The following KLF12 variants were observed in gnomAD, a reference collection of about 807,000 sequenced individuals.
The protein encoded by KLF12 is Krueppel-like factor 12.
A neutral mutation model predicts 37.8 loss-of-function variants in KLF12; 9 were observed. That is an observed-to-expected ratio of 0.24 (90% CI 0.14 to 0.42). The LOEUF is 0.42. Ranked by LOEUF, KLF12 falls within the 10% of genes least tolerant of loss-of-function variation. The probability of loss-of-function intolerance (pLI) is 1.00; values close to 1 mark genes in which losing one functional copy is unlikely to be tolerated. For missense variants in KLF12, 411 were observed against 516.0 expected, an observed-to-expected ratio of 0.80 and a Z score of 1.97; for synonymous variants, 208 against 202.1, an observed-to-expected ratio of 1.03 and a Z score of -0.25.
chr13:73,795,322 C>A (rs776613072), intron 5 of KLF12, among the ~76,000 whole-genome samples: 2 of 152,134 alleles, frequency 1.3e-5, no homozygotes, highest in South Asian at 4.1e-4. Flanking sequence ...TCTTTGAATA[C>A]AAACACCCTA....
chr13:73,774,227 ATAAG>A (rs376998114), intron 5 of KLF12, among the ~76,000 whole-genome samples: 4 of 152,080 alleles, frequency 2.6e-5, no homozygotes, highest in African/African-American at 4.8e-5. Flanking sequence ...ATTTGGAAAA[ATAAG>A]TAAGTCAATA....
chr13:74,161,695 T>C, the KLF12 span, among the ~76,000 whole-genome samples: 1 of 152,226 alleles, frequency 6.6e-6, no homozygotes, highest in Non-Finnish European at 1.5e-5. Flanking sequence ...ATATAACCCA[T>C]AGTCCTCAAT....
chr13:73,878,904 G>A (rs1046039441), intron 3 of KLF12, among the ~76,000 whole-genome samples: 5 of 152,106 alleles, frequency 3.3e-5, no homozygotes, highest in African/African-American at 1.2e-4. Flanking sequence ...CAGAAATGGG[G>A]GTGAGGAGCA....
Position 73,846,125 on chromosome 13 carries a change from G to A in KLF12, c.372C>T (p.Ala124=), listed in dbSNP as rs775859586. ...CTGATGTGATAACAGTTGGGGATGAGGCTAGACGACTAGAAGACGATGAAG... is the reference window on the plus strand; with the variant it reads ...CTGATGTGATAACAGTTGGGGATGAAGCTAGACGACTAGAAGACGATGAAG... The change falls in exon 4 of 8, where the codon GCC becomes GCT. Residue 124 remains alanine, a synonymous_variant. Coordinates refer to ENST00000377669, the MANE Select transcript of KLF12 (RefSeq NM_007249.5). 1.9e-5 allele frequency: 30 copies of A among 1,613,978 alleles called. No homozygotes were observed. Among genetic ancestry groups the A allele is most frequent in the Non-Finnish European group, 4.2e-6 (5 of 1,180,010 alleles).
chr13:74,262,172 T>C, the KLF12 span, among the ~76,000 whole-genome samples: 1 of 140,792 alleles, frequency 7.1e-6, no homozygotes, highest in Non-Finnish European at 1.5e-5. Flanking sequence ...TAATATTGAC[T>C]TGAGGTATTT....
At chr13:73,916,726 T>C (rs1228063462) in intron 3 of KLF12, among the ~76,000 whole-genome samples, 1 of 152,150 alleles carries the variant, frequency 6.6e-6, no homozygotes, top group Non-Finnish European at 1.5e-5. Flanking sequence ...CATTTAGGTT[T>C]GATGTATGGA....
At chr13:74,191,736 A>G in the KLF12 span, among the ~76,000 whole-genome samples, 1 of 152,210 alleles carries the variant, frequency 6.6e-6, no homozygotes, top group Non-Finnish European at 1.5e-5. Context: ...CACCCTTGAA[A>G]ACAAAATTTC....
intron 6 of KLF12, among the ~76,000 whole-genome samples, chr13:73,764,507 G>T (rs2138072213): frequency 6.6e-6 from 1 of 150,490 alleles, no homozygotes; most frequent in Non-Finnish European, 1.5e-5. Context: ...GATATTTAAG[G>T]CTATGGCAAG....
At chr13:73,773,517 C>G (rs1255582086) in intron 5 of KLF12, among the ~76,000 whole-genome samples, 1 of 152,166 alleles carries the variant, frequency 6.6e-6, no homozygotes, top group Non-Finnish European at 1.5e-5. Flanking sequence ...CAGGAGTTAC[C>G]CTGGTCTGAA....
At chr13:74,103,356 T>C (rs1876470490) in intron 1 of KLF12, among the ~76,000 whole-genome samples, 1 of 152,176 alleles carries the variant, frequency 6.6e-6, no homozygotes, top group South Asian at 2.1e-4. Flanking sequence ...ATTAAAACAA[T>C]GATTTGATCT....
chr13:73,741,780 T>G (rs1427117743), intron 6 of KLF12, among the ~76,000 whole-genome samples: 1 of 152,200 alleles, frequency 6.6e-6, no homozygotes, highest in Non-Finnish European at 1.5e-5. Context: ...CTATCTACAG[T>G]TAAGTTTAAA....
At chr13:74,007,584 G>T (rs191356903) in intron 1 of KLF12, among the ~76,000 whole-genome samples, 44 of 152,194 alleles carry the variant, frequency 2.9e-4, no homozygotes, top group South Asian at 6.2e-4. Context: ...CAAGACAAGG[G>T]TATTTTTCAT....
intron 2 of KLF12, among the ~76,000 whole-genome samples, chr13:73,975,701 G>A (rs1006510941): frequency 2.6e-5 from 4 of 152,046 alleles, no homozygotes; most frequent in African/African-American, 9.7e-5. Context: ...ATATTTCTCT[G>A]AGCACTTTAC....
intron 1 of KLF12, among the ~76,000 whole-genome samples, chr13:74,121,728 G>T (rs149940399): frequency 5.2e-4 from 79 of 152,030 alleles, no homozygotes; most frequent in Non-Finnish European, 1.1e-3. Flanking sequence ...CCCAGGAGAG[G>T]TGTGATGATG....
At chr13:73,716,975 C>T (rs1875862822) in intron 6 of KLF12, among the ~76,000 whole-genome samples, 1 of 152,090 alleles carries the variant, frequency 6.6e-6, no homozygotes, top group South Asian at 2.1e-4. Context: ...GTGCATTTTA[C>T]AATTGAAGAC....
the KLF12 span, among the ~76,000 whole-genome samples, chr13:74,293,149 C>T: frequency 1.2e-4 from 18 of 152,218 alleles, no homozygotes; most frequent in East Asian, 1.2e-3. Flanking sequence ...TCACATTATA[C>T]GAATGAGATG....
intron 1 of KLF12, among the ~76,000 whole-genome samples, chr13:74,072,406 T>TATATATATATAAAA (rs1487459834): frequency 2.5e-5 from 3 of 119,722 alleles, no homozygotes; most frequent in African/African-American, 9.1e-5. Flanking sequence ...TATATATATA[T>TATATATATATAAAA]AAAAGATTAT....
intron 2 of KLF12, among the ~76,000 whole-genome samples, chr13:73,958,434 G>C (rs1169192070): frequency 6.6e-6 from 1 of 151,858 alleles, no homozygotes; most frequent in Non-Finnish European, 1.5e-5. Context: ...GTAGAGACAG[G>C]GTTTCACCAT....
the KLF12 span, among the ~76,000 whole-genome samples, chr13:74,305,273 G>A: frequency 1.9e-4 from 29 of 152,118 alleles, no homozygotes. Context: ...GCTTTTGCTG[G>A]TTACCTAATC....
Sources: gnomAD v4.1 joint callset for allele counts (sites outside exome capture counted in the v4.1 genomes callset) on GRCh38, gnomAD v4.1.1 for gene constraint, MANE v1.5 for transcripts, NCBI Gene and HGNC (gene_info 2026-07-23, HGNC 2026-07-21) for gene names.